Variants in NRXN1 observed in about 807,000 individuals in gnomAD.
The protein encoded by NRXN1 is neurexin-1.
A neutral mutation model predicts 150.9 loss-of-function variants in NRXN1; 39 were observed. The ratio of observed to expected loss-of-function variants is 0.26; its 90% CI spans 0.20 to 0.34. NRXN1 has a LOEUF of 0.34. Among genes scored for constraint, NRXN1 ranks in the 10% least tolerant of loss-of-function variants. The pLI, the probability that NRXN1 is intolerant of heterozygous loss-of-function variation, is 1.00. For missense variants in NRXN1, 1,815 were observed against 1,949.9 expected, an observed-to-expected ratio of 0.93 and a Z score of 1.30; for synonymous variants, 924 against 757.0, an observed-to-expected ratio of 1.22 and a Z score of -3.62.
chr2:50,960,495 A>C (rs1457122961), intron 2 of NRXN1, among the ~76,000 whole-genome samples: 1 of 151,982 alleles, frequency 6.6e-6, no homozygotes, highest in Admixed American at 6.6e-5. Flanking sequence ...TTATTACAGA[A>C]AATAAGCACT....
intron 18 of NRXN1, among the ~76,000 whole-genome samples, chr2:50,122,995 T>C (rs894331469): frequency 6.6e-6 from 1 of 152,228 alleles, no homozygotes; most frequent in Non-Finnish European, 1.5e-5. Flanking sequence ...GCTAGAGCGA[T>C]AGATACTAAA....
At chr2:50,170,398 C>A (rs1226195428) in intron 18 of NRXN1, among the ~76,000 whole-genome samples, 1 of 152,074 alleles carries the variant, frequency 6.6e-6, no homozygotes, top group Non-Finnish European at 1.5e-5. Context: ...TGGATTCAAG[C>A]AATTCTCCTA....
At chr2:50,181,511 T>A (rs1193185050) in intron 18 of NRXN1, among the ~76,000 whole-genome samples, 1 of 152,090 alleles carries the variant, frequency 6.6e-6, no homozygotes, top group Non-Finnish European at 1.5e-5. Flanking sequence ...TGAGGGCAAA[T>A]CAGTTACCTT....
intron 5 of NRXN1, among the ~76,000 whole-genome samples, chr2:50,839,472 G>A (rs1672566407): frequency 6.6e-6 from 1 of 152,078 alleles, no homozygotes; most frequent in Non-Finnish European, 1.5e-5. Context: ...TTAACACACA[G>A]ATATCACGGA....
chr2:50,935,146 T>C (rs1345412522), intron 2 of NRXN1, among the ~76,000 whole-genome samples: 1 of 152,182 alleles, frequency 6.6e-6, no homozygotes, highest in East Asian at 1.9e-4. Flanking sequence ...AAAAAGCGCC[T>C]TTCATCCTAC....
At chr2:50,533,098 T>C (rs1267099067) in intron 10 of NRXN1, among the ~76,000 whole-genome samples, 2 of 152,184 alleles carry the variant, frequency 1.3e-5, no homozygotes, top group African/African-American at 4.8e-5. Context: ...TTAATCACTA[T>C]TTGTTGTCAT....
chr2:50,455,822 G>A (rs1051009116), intron 17 of NRXN1, among the ~76,000 whole-genome samples: 3 of 152,074 alleles, frequency 2.0e-5, no homozygotes, highest in Admixed American at 6.6e-5. Context: ...GATTTGACAC[G>A]GAATCATGGC....
chr2:50,804,726 C>G (rs1667286867), intron 5 of NRXN1, among the ~76,000 whole-genome samples: 1 of 152,094 alleles, frequency 6.6e-6, no homozygotes, highest in Non-Finnish European at 1.5e-5. Context: ...CTTCCTAATT[C>G]CCTCCTCACT....
chr2:50,376,431 A>C (rs1338004256), intron 17 of NRXN1, among the ~76,000 whole-genome samples: 1 of 151,820 alleles, frequency 6.6e-6, no homozygotes, highest in African/African-American at 2.4e-5. Flanking sequence ...TAAACTCCGC[A>C]ATGTATTTAA....
intron 2 of NRXN1, among the ~76,000 whole-genome samples, chr2:50,948,463 A>T (rs1377735932): frequency 6.6e-6 from 1 of 152,102 alleles, no homozygotes; most frequent in Non-Finnish European, 1.5e-5. Context: ...GGAAAGTACA[A>T]TTGAATGCTT....
chr2:50,941,410 G>T (rs1689425918), intron 2 of NRXN1, among the ~76,000 whole-genome samples: 1 of 152,138 alleles, frequency 6.6e-6, no homozygotes, highest in Non-Finnish European at 1.5e-5. Context: ...AGGAAGATAT[G>T]GGAAAGTTTG....
intron 17 of NRXN1, among the ~76,000 whole-genome samples, chr2:50,438,029 T>A (rs4971678): frequency 0.17 from 25,725 of 152,066 alleles, 2,791 homozygotes; most frequent in East Asian, 0.41. Flanking sequence ...ATGTTCTAAG[T>A]TCTACAGCCA....
chr2:50,346,823 C>G lies in NRXN1; in HGVS notation c.3365-109853G>C, dbSNP rs767075412. The G allele has an allele frequency of 6.2e-7, 1 of 1,612,356 alleles. No individual in the cohort carries two copies. Among genetic ancestry groups the G allele is most frequent in the East Asian group, 2.2e-5 (1 of 44,788 alleles). ...GCCCCCCACGCCACTCCTAGGAGGC[C>G]GCTGAGGGTGAGCGGGACTATCCAA... On this transcript the variant is annotated intron_variant, in intron 17 of 22. Transcript: ENST00000401669. The surrounding 1 kb of genome is among the most constrained non-coding windows in gnomAD (Gnocchi z 5.0).
At chr2:50,206,339 TG>T (rs966299631) in intron 18 of NRXN1, among the ~76,000 whole-genome samples, 1 of 151,850 alleles carries the variant, frequency 6.6e-6, no homozygotes, top group African/African-American at 2.4e-5. Context: ...ATTCACGAGG[TG>T]GTCAGACCAA....
chr2:50,419,813 T>C (rs1383684925), intron 17 of NRXN1, among the ~76,000 whole-genome samples: 1 of 152,054 alleles, frequency 6.6e-6, no homozygotes, highest in Non-Finnish European at 1.5e-5. Context: ...TTATGAGAGA[T>C]GGTTAGTGAA....
At chr2:50,798,711 A>G (rs1398431655) in intron 5 of NRXN1, among the ~76,000 whole-genome samples, 4 of 152,210 alleles carry the variant, frequency 2.6e-5, no homozygotes, top group Admixed American at 1.3e-4. Flanking sequence ...CTACTCTACT[A>G]AAGTCAATGC....
chr2:50,368,065 A>C lies in NRXN1; in HGVS notation c.3364+97377T>G. On this transcript the variant is annotated intron_variant, in intron 17 of 22. Coordinates refer to ENST00000401669, the MANE Select transcript of NRXN1 (RefSeq NM_001330078.2). Reference sequence around the variant, plus strand: ...AAGATCAATAGTTACACCACTTAGCAAAGACTGTCTTTGTCATTGCTTCCT... The same window carrying C: ...AAGATCAATAGTTACACCACTTAGCCAAGACTGTCTTTGTCATTGCTTCCT... 1.3e-5 allele frequency among the ~76,000 whole-genome samples: 2 copies of C among 152,014 alleles called. 1 individual carries two copies. The highest frequency in any genetic ancestry group is 2.9e-5 in the Non-Finnish European group (2 of 67,938).
intron 5 of NRXN1, among the ~76,000 whole-genome samples, chr2:50,826,758 T>C (rs1416202628): frequency 6.6e-5 from 10 of 151,994 alleles, no homozygotes; most frequent in Non-Finnish European, 1.3e-4. Context: ...TGTTTTGGTC[T>C]TGAGAAGTTT....
At chr2:50,545,620 T>C (rs1379020118) in intron 9 of NRXN1, among the ~76,000 whole-genome samples, 2 of 152,224 alleles carry the variant, frequency 1.3e-5, no homozygotes, top group African/African-American at 4.8e-5. Flanking sequence ...TGATTTCCTC[T>C]GAGGAATTAC....
Sources: gnomAD v4.1 joint callset for allele counts (sites outside exome capture counted in the v4.1 genomes callset) on GRCh38, gnomAD v4.1.1 for gene constraint, Gnocchi (gnomAD v3.1) non-coding constraint, MANE v1.5 for transcripts, NCBI Gene and HGNC (gene_info 2026-07-23, HGNC 2026-07-21) for gene names.